The following MYO19 variants were observed in gnomAD, a reference collection of about 807,000 sequenced individuals.
MYO19 encodes the protein myosin XIX.
Under a neutral mutation model 129.2 loss-of-function variants are expected in MYO19, and 132 were observed. The ratio of observed to expected loss-of-function variants is 1.02; its 90% CI spans 0.89 to 1.18. The LOEUF (loss-of-function observed/expected upper bound fraction) is 1.18, where lower values mean the gene tolerates loss of function less well. MYO19 is among the 50% of genes most tolerant of loss of function. The pLI, the probability that MYO19 is intolerant of heterozygous loss-of-function variation, is 0.00. For missense variants in MYO19, 1,210 were observed against 1,216.7 expected, an observed-to-expected ratio of 0.99 and a Z score of 0.08; for synonymous variants, 531 against 477.2, an observed-to-expected ratio of 1.11 and a Z score of -1.47.
Position 36,498,296 on chromosome 17 carries a change from AG to A in MYO19, c.2726del (p.Ala909ValfsTer14). 1 of 1,613,404 alleles carries A rather than the reference AG, an allele frequency of 6.2e-7. No individual in the cohort carries two copies. Among genetic ancestry groups the A allele is most frequent in the East Asian group, 2.2e-5 (1 of 44,858 alleles). On this transcript the variant is annotated frameshift_variant, in exon 25 of 26. Coordinates refer to ENST00000614623, the MANE Select transcript of MYO19 (RefSeq NM_001163735.2). LOFTEE classifies it high-confidence loss of function. ...SYTVQTAQDQ[A>X]GVTSIRALPQ... The stretch of plus-strand genomic sequence containing the variant: ...GCAGCGCTCGGATGGACGTGACACC[AG>A]CCTGGTCTTGTGCTGTCTGGACAGT...
chr17:36,499,862 GT>G lies in MYO19; in HGVS notation c.2378-703del, dbSNP rs34050029. 1.7e-3 allele frequency: 219 copies of G among 129,826 alleles called. 1 individual carries two copies. The highest frequency in any genetic ancestry group is 0.012 in the Middle Eastern group (3 of 258). 8.0% of individuals were successfully genotyped at this position (129,826 alleles called of 1,614,324 possible). A position where few individuals can be genotyped will look rare whatever the true frequency, so the allele number is the denominator to read the frequency against. The stretch of plus-strand genomic sequence containing the variant: ...CAGGCACGGTTAATTATGTTTTGTT[GT>G]TTTTTTTTTTTTTGAGACAGAGTCT... On this transcript the variant is annotated intron_variant, in intron 23 of 25. Transcript: ENST00000614623.
intron 3 of MYO19, among the ~76,000 whole-genome samples, chr17:36,529,355 T>C (rs962768643): frequency 6.6e-6 from 1 of 152,030 alleles, no homozygotes; most frequent in South Asian, 2.1e-4. Flanking sequence ...ATCCCTCCAC[T>C]TCCTCCTGTG....
At chr17:36,524,868 G>A (rs1370604695) in intron 6 of MYO19, among the ~76,000 whole-genome samples, 2 of 152,156 alleles carry the variant, frequency 1.3e-5, no homozygotes, top group East Asian at 1.9e-4. Context: ...CAGAAGCTAC[G>A]TACTTTTCTG....
chr17:36,521,479 A>G (rs2073126557), intron 6 of MYO19, among the ~76,000 whole-genome samples: 1 of 152,216 alleles, frequency 6.6e-6, no homozygotes, highest in Non-Finnish European at 1.5e-5. Flanking sequence ...GAAAAACATG[A>G]TTACACAACT....
intron 2 of MYO19, among the ~76,000 whole-genome samples, chr17:36,540,935 T>TA (rs2074194363): frequency 6.6e-6 from 1 of 152,124 alleles, no homozygotes; most frequent in Non-Finnish European, 1.5e-5. Context: ...AAGAAGAACA[T>TA]AATCTGTCCA....
intron 18 of MYO19, among the ~76,000 whole-genome samples, chr17:36,506,084 A>G (rs1460870062): frequency 6.6e-6 from 1 of 152,162 alleles, no homozygotes; most frequent in Admixed American, 6.5e-5. Context: ...GAGAGGTGGT[A>G]GAAAGCAGAC....
chr17:36,528,235 A>G, intron 3 of MYO19, 33 bp from the exon 4 acceptor site: 5 of 1,547,394 alleles, frequency 3.2e-6, no homozygotes, highest in Non-Finnish European at 3.5e-6. Context: ...GAGGCCAGGC[A>G]CAGTGGCTCA....
At chr17:36,509,161 GGTAAGA>G (rs2072138258) in intron 13 of MYO19, 26 bp from the exon 14 acceptor site, 1 of 1,609,354 alleles carries the variant, frequency 6.2e-7, no homozygotes, top group Non-Finnish European at 8.5e-7. Flanking sequence ...AGTGGACTCT[GGTAAGA>G]GGGTCTGGCT....
At chr17:36,513,034 G>A in intron 11 of MYO19, 3 of 1,085,396 alleles carry the variant, frequency 2.8e-6, no homozygotes, top group Non-Finnish European at 3.5e-6. Flanking sequence ...CAGGCATAAA[G>A]GGAAATAAAC....
At chr17:36,514,163 T>C (rs2072570618) in intron 9 of MYO19, among the ~76,000 whole-genome samples, 1 of 152,158 alleles carries the variant, frequency 6.6e-6, no homozygotes, top group African/African-American at 2.4e-5. Context: ...CTTAAAATGA[T>C]AAGAGTGACA....
chr17:36,511,410 A>G lies in MYO19; in HGVS notation c.940T>C (p.Ser314Pro). The change falls in exon 12 of 26, where the codon TCC (serine) becomes CCC (proline). Residue 314 changes from serine (S) to proline (P), a missense_variant. Ser to Pro is a moderately conservative substitution (Grantham distance 74). Coordinates refer to ENST00000614623, the MANE Select transcript of MYO19 (RefSeq NM_001163735.2). ...LHLGNIQFAASEDEAQPCQPM... is the reference protein window; with the variant it reads ...LHLGNIQFAAPEDEAQPCQPM... ...TGGCAGGGCTGGGCTTCATCCTCGGAGGCAGCAAACTGGATATTGCCAAGG... is the reference window on the plus strand; with the variant it reads ...TGGCAGGGCTGGGCTTCATCCTCGGGGGCAGCAAACTGGATATTGCCAAGG... 6.4e-7 allele frequency: 1 copy of G among 1,574,410 alleles called. No individual in the cohort carries two copies. The highest frequency in any genetic ancestry group is 1.2e-5 in the South Asian group (1 of 85,442).
chr17:36,526,841 C>T (rs1417035110), intron 5 of MYO19, among the ~76,000 whole-genome samples: 4 of 152,072 alleles, frequency 2.6e-5, no homozygotes, highest in South Asian at 2.1e-4. Context: ...GAGTCAAGAT[C>T]GCACTACTGC....
intron 7 of MYO19, among the ~76,000 whole-genome samples, chr17:36,515,513 C>T (rs532171210): frequency 1.3e-5 from 2 of 152,354 alleles, no homozygotes; most frequent in South Asian, 4.1e-4. Context: ...CCAGTGCCAA[C>T]ACAAACACTA....
intron 2 of MYO19, chr17:36,533,608 G>A (rs2073956156): frequency 6.6e-6 from 1 of 152,286 alleles, no homozygotes; most frequent in African/African-American, 2.4e-5. Flanking sequence ...TTCCATAGAA[G>A]CTGGAAAAAG....
At chr17:36,518,446 G>A (rs983721103) in intron 6 of MYO19, among the ~76,000 whole-genome samples, 1 of 131,866 alleles carries the variant, frequency 7.6e-6, no homozygotes. Context: ...AGTGAGCTGA[G>A]ATCACACCAC....
At chr17:36,498,230 G>A (rs2071182087) in intron 25 of MYO19, 36 bp downstream of exon 25, 2 of 1,586,822 alleles carry the variant, frequency 1.3e-6, no homozygotes, top group African/African-American at 1.3e-5. Context: ...GCTGTTCTCA[G>A]GAACAAAGCT....
intron 9 of MYO19, 24 bp downstream of exon 9, chr17:36,514,422 G>A: frequency 6.7e-7 from 1 of 1,481,482 alleles, no homozygotes. Context: ...CATCTGGGGG[G>A]CTGTGGCCCC....
chr17:36,497,589 C>A, intron 25 of MYO19: 1 of 818,464 alleles, frequency 1.2e-6, no homozygotes, highest in Non-Finnish European at 1.5e-6. Flanking sequence ...CTAAACCAAA[C>A]TTTTTTTTTT....
In MYO19 at chr17:36,498,486, G is replaced by C. The variant is rs770644004; in HGVS notation, c.2537C>G (p.Ser846Cys). The change falls in exon 25 of 26, where the codon TCC (serine) becomes TGC (cysteine). Residue 846 changes from serine to cysteine, a missense_variant. Physicochemically the swap from Ser to Cys is moderately radical, Grantham distance 112 (BLOSUM62 -1). Coordinates refer to ENST00000614623, the MANE Select transcript of MYO19 (RefSeq NM_001163735.2). ...EEKHFSQAPCSLSTSPLQTRL... is the reference protein window; with the variant it reads ...EEKHFSQAPCCLSTSPLQTRL... Reference sequence around the variant, plus strand: ...GGTCTGCAGCGGCGAGGTGCTCAGGGAACAGGGAGCTTGAGAGAAGTGTTT... The same window carrying C: ...GGTCTGCAGCGGCGAGGTGCTCAGGCAACAGGGAGCTTGAGAGAAGTGTTT... 9.9e-6 allele frequency: 16 copies of C among 1,613,944 alleles called. No homozygotes were observed. The highest frequency in any genetic ancestry group is 6.7e-5 in the East Asian group (3 of 44,898).
Sources: allele counts gnomAD v4.1 joint callset (sites outside exome capture counted in the v4.1 genomes callset), GRCh38; gene constraint gnomAD v4.1.1; transcripts MANE v1.5; gene names NCBI Gene and HGNC (gene_info 2026-07-23, HGNC 2026-07-21).